The following IMMP2L variants were observed in gnomAD, a reference collection of about 807,000 sequenced individuals.
IMMP2L encodes inner mitochondrial membrane peptidase subunit 2.
In IMMP2L, 18 loss-of-function variants were observed where a neutral mutation model predicts 19.3. That is an observed-to-expected ratio of 0.93 (90% CI 0.64 to 1.38). The LOEUF is 1.38. Ranked by LOEUF, IMMP2L falls within the 40% of genes most tolerant of loss-of-function variation. IMMP2L has a pLI of 0.00. For missense variants in IMMP2L, 233 were observed against 218.2 expected, an observed-to-expected ratio of 1.07 and a Z score of -0.43; for synonymous variants, 76 against 73.0, an observed-to-expected ratio of 1.04 and a Z score of -0.21.
At chr7:110,992,156 A>G (rs1026382966) in intron 3 of IMMP2L, among the ~76,000 whole-genome samples, 5 of 152,180 alleles carry the variant, frequency 3.3e-5, no homozygotes, top group Admixed American at 3.3e-4. Flanking sequence ...GAAGGTATAA[A>G]AAATCTTGTA....
At chr7:111,087,868 T>C (rs1393370336) in intron 3 of IMMP2L, among the ~76,000 whole-genome samples, 1 of 152,186 alleles carries the variant, frequency 6.6e-6, no homozygotes, top group Non-Finnish European at 1.5e-5. Context: ...CAAACATTTG[T>C]TCAAGACTAC....
intron 3 of IMMP2L, among the ~76,000 whole-genome samples, chr7:111,422,184 T>G (rs1260564535): frequency 6.6e-6 from 1 of 151,888 alleles, no homozygotes; most frequent in Non-Finnish European, 1.5e-5. Flanking sequence ...TTCTTTTGGC[T>G]TAGGAGTGTC....
chr7:110,766,397 C>A (rs2130996441), intron 5 of IMMP2L, among the ~76,000 whole-genome samples: 1 of 152,054 alleles, frequency 6.6e-6, no homozygotes, highest in East Asian at 1.9e-4. Context: ...CGAAGACCAA[C>A]TTGGCCCACA....
At chr7:111,501,350 G>T (rs1563277048) in intron 2 of IMMP2L, among the ~76,000 whole-genome samples, 1 of 152,168 alleles carries the variant, frequency 6.6e-6, no homozygotes, top group Admixed American at 6.5e-5. Context: ...CGTCTGATTG[G>T]TGTACCTGAA....
At chr7:111,163,466 T>C (rs1221164680) in intron 3 of IMMP2L, among the ~76,000 whole-genome samples, 2 of 152,138 alleles carry the variant, frequency 1.3e-5, no homozygotes, top group African/African-American at 2.4e-5. Context: ...TCTAGCTTTG[T>C]TTATCCTTGA....
chr7:111,430,903 T>C (rs1030225183), intron 3 of IMMP2L, among the ~76,000 whole-genome samples: 3 of 151,806 alleles, frequency 2.0e-5, no homozygotes, highest in African/African-American at 7.3e-5. Context: ...GGTCAGCAGT[T>C]CGAGACCAGC....
At chr7:110,962,756 A>G in intron 4 of IMMP2L, 1 of 1,086,422 alleles carries the variant, frequency 9.2e-7, no homozygotes, top group Non-Finnish European at 1.1e-6. Flanking sequence ...TATGTGTACT[A>G]TCATTAATAC....
intron 5 of IMMP2L, among the ~76,000 whole-genome samples, chr7:110,822,307 T>C (rs890669612): frequency 1.3e-5 from 2 of 152,106 alleles, no homozygotes; most frequent in African/African-American, 4.8e-5. Flanking sequence ...CTGCTTAATG[T>C]CTTGAATCAT....
chr7:111,469,572 TATCTACA>T (rs1841016198), intron 3 of IMMP2L, among the ~76,000 whole-genome samples: 4 of 152,066 alleles, frequency 2.6e-5, no homozygotes, highest in African/African-American at 7.2e-5. Context: ...TTATTGTGTA[TATCTACA>T]ACTATCTGAT....
chr7:111,002,869 T>C (rs1823856537), intron 3 of IMMP2L, among the ~76,000 whole-genome samples: 2 of 152,142 alleles, frequency 1.3e-5, no homozygotes, highest in African/African-American at 4.8e-5. Flanking sequence ...CTCTTGTGAG[T>C]CTGGTGGGGA....
chr7:110,714,707 C>T (rs1303108211), intron 5 of IMMP2L, among the ~76,000 whole-genome samples: 1 of 152,154 alleles, frequency 6.6e-6, no homozygotes, highest in Non-Finnish European at 1.5e-5. Flanking sequence ...AGCGATTCTC[C>T]TGCCTCAGTC....
intron 5 of IMMP2L, among the ~76,000 whole-genome samples, chr7:110,674,120 C>T (rs1792116912): frequency 6.6e-6 from 1 of 152,154 alleles, no homozygotes; most frequent in African/African-American, 2.4e-5. Context: ...GCTGGAGAGG[C>T]CTCAGGAAAC....
chr7:111,018,887 TA>T (rs567490119), intron 3 of IMMP2L, among the ~76,000 whole-genome samples: 2 of 150,602 alleles, frequency 1.3e-5, no homozygotes, highest in Non-Finnish European at 3.0e-5. Context: ...GGCATTGATT[TA>T]AAAAAAATCC....
chr7:111,391,884 G>A (rs1832387501), intron 3 of IMMP2L: 1 of 702,704 alleles, frequency 1.4e-6, no homozygotes, highest in East Asian at 2.7e-5. Context: ...CCTGCCCTCT[G>A]TTCTAAAGGA....
intron 3 of IMMP2L, among the ~76,000 whole-genome samples, chr7:111,283,753 C>T (rs999013547): frequency 6.6e-6 from 1 of 151,684 alleles, no homozygotes; most frequent in African/African-American, 2.4e-5. Flanking sequence ...GGGCGGATCA[C>T]GAGGTCAGGA....
chr7:111,470,257 A>G (rs1841115236), intron 3 of IMMP2L, among the ~76,000 whole-genome samples: 1 of 152,086 alleles, frequency 6.6e-6, no homozygotes, highest in South Asian at 2.1e-4. Context: ...AGAAATAGGA[A>G]CACTTTTACA....
chr7:111,082,167 C>T (rs1392793507), intron 3 of IMMP2L, among the ~76,000 whole-genome samples: 1 of 152,166 alleles, frequency 6.6e-6, no homozygotes, highest in Non-Finnish European at 1.5e-5. Flanking sequence ...TAGCACTACA[C>T]CATTTAGTTA....
chr7:111,324,620 T>A (rs563476167), intron 3 of IMMP2L, among the ~76,000 whole-genome samples: 2 of 151,968 alleles, frequency 1.3e-5, no homozygotes, highest in Admixed American at 6.6e-5. Context: ...TTCAAAATCA[T>A]GTGTAATATA....
chr7:111,416,464 T>A (rs1333508692), intron 3 of IMMP2L, among the ~76,000 whole-genome samples: 2 of 151,814 alleles, frequency 1.3e-5, no homozygotes, highest in African/African-American at 4.9e-5. Context: ...CCACTAGAAT[T>A]AGCAAACTAA....
Sources: allele counts gnomAD v4.1 joint callset (sites outside exome capture counted in the v4.1 genomes callset), GRCh38; gene constraint gnomAD v4.1.1; transcripts MANE v1.5; gene names NCBI Gene and HGNC (gene_info 2026-07-23, HGNC 2026-07-21).